Variants in DNMT3A observed in about 807,000 individuals in gnomAD.
The protein encoded by DNMT3A is DNA methyltransferase 3 alpha, also known as DNA (cytosine-5)-methyltransferase 3A.
In DNMT3A, 267 loss-of-function variants were observed where a neutral mutation model predicts 117.6. The ratio of observed to expected loss-of-function variants is 2.27; its 90% CI spans 2.05 to 2.51. The LOEUF (loss-of-function observed/expected upper bound fraction) is 2.51, where lower values mean the gene tolerates loss of function less well. Among genes scored for constraint, DNMT3A ranks in the 30% most tolerant of loss-of-function variants. DNMT3A has a pLI of 0.00. For synonymous variants in DNMT3A, 432 were observed against 474.8 expected (o/e 0.91, Z 1.17); for missense variants, 1,029 against 1,260.2 (o/e 0.82, Z 2.78).
chr2:25,260,847 C>A (rs747667080), intron 6 of DNMT3A, among the ~76,000 whole-genome samples: 1 of 152,126 alleles, frequency 6.6e-6, no homozygotes, highest in South Asian at 2.1e-4. Flanking sequence ...AAGGGCTCCA[C>A]AGAGGGCATG....
Position 25,259,001 on chromosome 2 carries a change from C to T in DNMT3A, c.640-10749G>A, listed in dbSNP as rs534583867. Among the ~76,000 whole-genome samples, 12 of 152,262 alleles carry T rather than the reference C, an allele frequency of 7.9e-5. No homozygotes were observed. The South Asian group carries it at 2.5e-3, about 32-fold the overall frequency. ...AAGCCCAACTTCCCTCTTGCTGATA[C>T]CCTCACCTCCCCTTCTCTCCCCACC... On this transcript the variant is annotated intron_variant, in intron 6 of 22. Transcript: ENST00000321117.
chr2:25,235,086 A>C (rs878867586), intron 22 of DNMT3A, among the ~76,000 whole-genome samples: 1 of 151,992 alleles, frequency 6.6e-6, no homozygotes, highest in Non-Finnish European at 1.5e-5. Flanking sequence ...GACCTATAAA[A>C]TTGGCACCAC....
chr2:25,282,351 C>T lies in DNMT3A; in HGVS notation c.448+90G>A, dbSNP rs1037881804. 10 of 1,536,100 alleles carry T rather than the reference C, an allele frequency of 6.5e-6. No individual in the cohort carries two copies. In the African/African-American group the frequency reaches 1.1e-4, roughly 17 times the overall value. The stretch of plus-strand genomic sequence containing the variant: ...ACCTTTAGCCACGACCCAGACCATC[C>T]TTCCTGGGACCTGCTGGAGAGCCAA... On this transcript the variant is annotated intron_variant, in intron 4 of 22. Coordinates refer to ENST00000321117, the MANE Select transcript of DNMT3A (RefSeq NM_022552.5). This position sits in a 1 kb window ranked among gnomAD's most constrained non-coding sequence, Gnocchi z 5.2.
At chr2:25,331,093 A>G (rs1407671361) in intron 1 of DNMT3A, among the ~76,000 whole-genome samples, 2 of 152,176 alleles carry the variant, frequency 1.3e-5, no homozygotes, top group Non-Finnish European at 2.9e-5. Flanking sequence ...AACAAACAAC[A>G]CCAGCCTGTG....
chr2:25,241,876 A>G (rs1282104756), intron 16 of DNMT3A, 169 bp from the exon 17 acceptor site: 22 of 836,248 alleles, frequency 2.6e-5, no homozygotes, highest in Non-Finnish European at 3.4e-5. Flanking sequence ...TGGAGTATCC[A>G]TAGTAAGGAC....
intron 2 of DNMT3A, among the ~76,000 whole-genome samples, chr2:25,309,207 T>C (rs1416149220): frequency 1.3e-5 from 2 of 152,068 alleles, no homozygotes; most frequent in Admixed American, 6.5e-5. Flanking sequence ...ACTCAGTTCA[T>C]CCAACAGCCT....
intron 1 of DNMT3A, among the ~76,000 whole-genome samples, chr2:25,336,645 C>A (rs531523255): frequency 6.6e-6 from 1 of 152,146 alleles, no homozygotes; most frequent in Non-Finnish European, 1.5e-5. Context: ...CCTCTCTCCA[C>A]CCCTACCCCC....
At chr2:25,273,859 C>T (rs115456372) in intron 6 of DNMT3A, among the ~76,000 whole-genome samples, 4,176 of 152,316 alleles carry the variant, frequency 0.027, 72 homozygotes, top group Middle Eastern at 0.061. Context: ...CCCCAGACAC[C>T]GCTCTGTACT....
chr2:25,309,773 G>A (rs1006153979), intron 2 of DNMT3A, among the ~76,000 whole-genome samples: 19 of 152,276 alleles, frequency 1.2e-4, no homozygotes, highest in African/African-American at 3.6e-4. Context: ...AATAAGATAG[G>A]CCCGGCGTGG....
rs1242839561 is a variant in DNMT3A at position 25,293,592 on chromosome 2, G to C, written c.177+6547C>G. Among the ~76,000 whole-genome samples the C allele has an allele frequency of 9.2e-5, 14 of 152,040 alleles. No homozygotes were observed. Among genetic ancestry groups the C allele is most frequent in the Middle Eastern group, 3.2e-3 (1 of 316 alleles). ...CAGCCTCAACCTCCCGGGGTCAAGA[G>C]ATCCTCCTGCCTTAGCCTCCCAAGT... On this transcript the variant is annotated intron_variant, in intron 3 of 22. Transcript: ENST00000321117. The surrounding 1 kb of genome is among the most constrained non-coding windows in gnomAD (Gnocchi z 4.7).
intron 3 of DNMT3A, among the ~76,000 whole-genome samples, chr2:25,289,109 T>C (rs2032551898): frequency 1.3e-5 from 2 of 151,386 alleles, no homozygotes; most frequent in Admixed American, 1.3e-4. Context: ...TATTTAACTT[T>C]TTTTTTTTTT....
chr2:25,307,721 C>T (rs2033861242), intron 2 of DNMT3A, among the ~76,000 whole-genome samples: 1 of 152,186 alleles, frequency 6.6e-6, no homozygotes, highest in African/African-American at 2.4e-5. Flanking sequence ...CTGCCTTGGC[C>T]TCCCACAGTG....
chr2:25,244,500 G>C (rs749090667), intron 14 of DNMT3A, 40 bp downstream of exon 14: 45 of 1,607,114 alleles, frequency 2.8e-5, no homozygotes, highest in Non-Finnish European at 3.7e-5. Flanking sequence ...GGAGCCTGGG[G>C]CCCAGCTAAG....
Position 25,295,946 on chromosome 2 carries a change from G to A in DNMT3A, c.177+4193C>T, listed in dbSNP as rs535331869. Among the ~76,000 whole-genome samples, 3 of 152,316 alleles carry A rather than the reference G, an allele frequency of 2.0e-5. No individual in the cohort carries two copies. In the East Asian group the frequency reaches 5.8e-4, roughly 29 times the overall value. ...TGCAATGGCGGTGCATTTTCAAACTGTCAGGGATGAAAGCTCAAGCTTTGG... is the reference window on the plus strand; with the variant it reads ...TGCAATGGCGGTGCATTTTCAAACTATCAGGGATGAAAGCTCAAGCTTTGG... On this transcript the variant is annotated intron_variant, in intron 3 of 22. Coordinates refer to ENST00000321117, the MANE Select transcript of DNMT3A (RefSeq NM_022552.5).
chr2:25,302,969 A>G (rs2033599465), intron 2 of DNMT3A, among the ~76,000 whole-genome samples: 2 of 152,066 alleles, frequency 1.3e-5, no homozygotes, highest in African/African-American at 4.8e-5. Flanking sequence ...TCATCCATAA[A>G]ATGGGGGTAG....
chr2:25,307,837 G>C (rs2033867243), intron 2 of DNMT3A, among the ~76,000 whole-genome samples: 1 of 152,164 alleles, frequency 6.6e-6, no homozygotes, highest in South Asian at 2.1e-4. Flanking sequence ...TATCAGCAGG[G>C]CTGGGCTCCA....
intron 3 of DNMT3A, among the ~76,000 whole-genome samples, chr2:25,287,044 C>T (rs752298761): frequency 2.0e-5 from 3 of 152,198 alleles, no homozygotes; most frequent in Non-Finnish European, 2.9e-5. Context: ...ATGGCAAAGA[C>T]GAGGCTAAAA....
chr2:25,291,408 A>G (rs1050491966), intron 3 of DNMT3A, among the ~76,000 whole-genome samples: 5 of 152,202 alleles, frequency 3.3e-5, no homozygotes, highest in Non-Finnish European at 7.3e-5. Context: ...AGAGCCAGAG[A>G]TGCCTGCTCC....
At chr2:25,315,926 T>A (rs71439166) in intron 1 of DNMT3A, among the ~76,000 whole-genome samples, 1 of 151,720 alleles carries the variant, frequency 6.6e-6, no homozygotes, top group Admixed American at 6.6e-5. Context: ...AGGGGCAGAG[T>A]CTGATTGGAA....
Sources: allele counts gnomAD v4.1 joint callset (sites outside exome capture counted in the v4.1 genomes callset), GRCh38; gene constraint gnomAD v4.1.1; non-coding constraint Gnocchi (gnomAD v3.1); transcripts MANE v1.5; gene names NCBI Gene and HGNC (gene_info 2026-07-23, HGNC 2026-07-21).